The following TAX1BP1 variants were observed in gnomAD, a reference collection of about 807,000 sequenced individuals.
TAX1BP1 encodes the protein tax1-binding protein 1.
A neutral mutation model predicts 97.7 loss-of-function variants in TAX1BP1; 62 were observed. The ratio of observed to expected loss-of-function variants is 0.63; its 90% CI spans 0.52 to 0.78. The LOEUF (loss-of-function observed/expected upper bound fraction) is 0.78. Ranked by LOEUF, TAX1BP1 falls within the 30% of genes least tolerant of loss-of-function variation. The pLI, the probability that TAX1BP1 is intolerant of heterozygous loss-of-function variation, is 0.00. For synonymous variants in TAX1BP1, 340 were observed against 304.2 expected, an observed-to-expected ratio of 1.12 and a Z score of -1.23; for missense variants, 867 against 916.1, an observed-to-expected ratio of 0.95 and a Z score of 0.69.
chr7:27,740,536 T>G (rs1171102146), intron 1 of TAX1BP1: 1 of 152,250 alleles, frequency 6.6e-6, no homozygotes, highest in African/African-American at 2.4e-5. Context: ...GGGAGGCCCG[T>G]GGGACAGGCC....
At chr7:27,809,681 T>A (rs1401039642) in intron 13 of TAX1BP1, among the ~76,000 whole-genome samples, 1 of 152,156 alleles carries the variant, frequency 6.6e-6, no homozygotes, top group Admixed American at 6.5e-5. Flanking sequence ...TATTTGCAAA[T>A]AATTTATTGT....
At chr7:27,824,566 A>T (rs1347313744) in intron 15 of TAX1BP1, among the ~76,000 whole-genome samples, 3 of 151,648 alleles carry the variant, frequency 2.0e-5, no homozygotes, top group Non-Finnish European at 1.5e-5. Context: ...AAAAAAAAAA[A>T]AAAAAAATTA....
At chr7:27,798,306 T>G (rs1385911476) in intron 12 of TAX1BP1, among the ~76,000 whole-genome samples, 3 of 152,144 alleles carry the variant, frequency 2.0e-5, no homozygotes, top group Admixed American at 6.5e-5. Flanking sequence ...TGTTTTTTTT[T>G]GTTTCTTTTG....
At chr7:27,782,916 C>A (rs1314226115) in intron 5 of TAX1BP1, among the ~76,000 whole-genome samples, 1 of 151,990 alleles carries the variant, frequency 6.6e-6, no homozygotes, top group Non-Finnish European at 1.5e-5. Context: ...AATAAATGTG[C>A]TCTGTTATTT....
chr7:27,753,388 A>G (rs989280881), intron 2 of TAX1BP1, among the ~76,000 whole-genome samples: 1 of 152,222 alleles, frequency 6.6e-6, no homozygotes. Flanking sequence ...ATGTTACATT[A>G]TATTTGAGTT....
Position 27,816,413 on chromosome 7 carries a change from C to T in TAX1BP1, c.1829C>T (p.Pro610Leu), listed in dbSNP as rs775351702. 3 of 1,586,114 alleles carry T rather than the reference C, an allele frequency of 1.9e-6. No individual in the cohort carries two copies. Among genetic ancestry groups the T allele is most frequent in the East Asian group, 4.6e-5 (2 of 43,382 alleles). The change falls in exon 14 of 17, where the codon CCT (proline) becomes CTT (leucine). Residue 610 changes from proline to leucine, a missense_variant. Pro to Leu is a moderately conservative substitution (Grantham distance 98). This residue lies in a region of TAX1BP1 where 822 missense variants were observed against 851.4 expected (regional missense o/e 0.97). Coordinates refer to ENST00000396319, the MANE Select transcript of TAX1BP1 (RefSeq NM_006024.7). ...ATGGAAGGTCAGAATTCCCAGAGTC[C>T]TCAATGTTTCAAAACATGCTCAGAG... ...RKMEGQNSQS[P>L]QCFKTCSEQN...
intron 13 of TAX1BP1, chr7:27,803,140 G>C: frequency 6.5e-7 from 1 of 1,548,418 alleles, no homozygotes; most frequent in African/African-American, 1.4e-5. Context: ...AAAGAAATAA[G>C]TGGTCTGATT....
intron 15 of TAX1BP1, among the ~76,000 whole-genome samples, chr7:27,827,422 G>A (rs1415504499): frequency 1.3e-5 from 2 of 151,766 alleles, no homozygotes; most frequent in African/African-American, 2.4e-5. Context: ...AGTTACCTAC[G>A]TATATAGGTT....
chr7:27,760,800 G>C (rs2128310161), intron 3 of TAX1BP1, among the ~76,000 whole-genome samples: 1 of 152,308 alleles, frequency 6.6e-6, no homozygotes, highest in East Asian at 1.9e-4. Flanking sequence ...TGGAGCCTAT[G>C]CACATAGCTT....
At chr7:27,742,997 A>G (rs1204212932) in intron 1 of TAX1BP1, among the ~76,000 whole-genome samples, 1 of 152,160 alleles carries the variant, frequency 6.6e-6, no homozygotes, top group Non-Finnish European at 1.5e-5. Flanking sequence ...TCTGGGCTTT[A>G]TGCATTTCTG....
Position 27,765,834 on chromosome 7 carries a change from G to A in TAX1BP1, c.266G>A (p.Gly89Glu). 6.2e-7 allele frequency: 1 copy of A among 1,612,574 alleles called. No individual in the cohort carries two copies. The highest frequency in any genetic ancestry group is 8.5e-7 in the Non-Finnish European group (1 of 1,178,892). Residue 89 changes from glycine to glutamate, a missense_variant and splice_region_variant, in exon 4 of 17, where the codon GGA becomes GAA. By Grantham distance (98) the Gly-to-Glu change is moderately conservative. Around this residue, in one of 3 missense-constraint regions of TAX1BP1, gnomAD observed 822 missense variants for 851.4 expected, o/e 0.97. Transcript: ENST00000396319. ...ATTTTGTTTGTTAACTTCCTCTTAG[G>A]ATATTACCTTCCAAATGATGATGGA... ...STVNCVLAFQ[G>E]YYLPNDDGEF...
chr7:27,782,591 A>T (rs1282322101), intron 5 of TAX1BP1, among the ~76,000 whole-genome samples: 6 of 152,322 alleles, frequency 3.9e-5, no homozygotes, highest in African/African-American at 1.4e-4. Context: ...AAACCAGAGA[A>T]GATGTCTTTA....
intron 13 of TAX1BP1, among the ~76,000 whole-genome samples, chr7:27,810,731 C>T (rs1268459208): frequency 6.6e-6 from 1 of 152,166 alleles, no homozygotes; most frequent in African/African-American, 2.4e-5. Flanking sequence ...GATCTTCCCT[C>T]CCAAAGTGCT....
chr7:27,823,102 ATAAAT>A (rs1417587572), intron 15 of TAX1BP1, among the ~76,000 whole-genome samples: 5 of 152,202 alleles, frequency 3.3e-5, no homozygotes, highest in Non-Finnish European at 7.3e-5. Context: ...TTTAAATTAG[ATAAAT>A]TATATATAGT....
chr7:27,824,124 T>C (rs1791080904), intron 15 of TAX1BP1, among the ~76,000 whole-genome samples: 1 of 152,210 alleles, frequency 6.6e-6, no homozygotes, highest in Non-Finnish European at 1.5e-5. Flanking sequence ...TTTAGTTCTT[T>C]TGGGCATATA....
chr7:27,822,318 C>G (rs1464861585), intron 15 of TAX1BP1, among the ~76,000 whole-genome samples: 3 of 152,114 alleles, frequency 2.0e-5, no homozygotes, highest in Non-Finnish European at 4.4e-5. Flanking sequence ...TGTTTTCATA[C>G]CTTTTTACTT....
chr7:27,795,328 T>C (rs983462628), intron 11 of TAX1BP1, among the ~76,000 whole-genome samples: 3 of 151,940 alleles, frequency 2.0e-5, no homozygotes, highest in African/African-American at 7.3e-5. Flanking sequence ...GTGTTCTTGG[T>C]GGGGTATGGT....
At chr7:27,827,947 C>A in intron 16 of TAX1BP1, 127 bp downstream of exon 16, 1 of 702,868 alleles carries the variant, frequency 1.4e-6, no homozygotes, top group South Asian at 2.0e-5. Flanking sequence ...AAACACCAGG[C>A]GTAGGCCCAG....
intron 2 of TAX1BP1, among the ~76,000 whole-genome samples, chr7:27,753,821 G>T (rs1788109068): frequency 6.6e-6 from 1 of 152,054 alleles, no homozygotes; most frequent in Non-Finnish European, 1.5e-5. Flanking sequence ...ATATCTTATT[G>T]TACTATACTC....
Sources: gnomAD v4.1 joint callset for allele counts (sites outside exome capture counted in the v4.1 genomes callset) on GRCh38, gnomAD v4.1.1 for gene constraint, gnomAD v4.1.1 regional missense constraint, MANE v1.5 for transcripts, NCBI Gene and HGNC (gene_info 2026-07-23, HGNC 2026-07-21) for gene names.